SCRG1: variants seen among roughly 807,000 people sequenced by gnomAD.
The protein encoded by SCRG1 is stimulator of chondrogenesis 1.
A neutral mutation model predicts 7.7 loss-of-function variants in SCRG1; 3 were observed. The observed-to-expected ratio is 0.39, with a 90% CI of 0.18 to 1.01. SCRG1 has a LOEUF of 1.01. SCRG1 is among the 50% of genes least tolerant of loss of function. SCRG1 has a pLI of 0.36. For synonymous variants in SCRG1, 46 were observed against 41.2 expected (o/e 1.12, Z -0.44); for missense variants, 110 against 117.2 (o/e 0.94, Z 0.28).
At chr4:173,408,313 C>T (rs542337068), upstream of SCRG1, among the ~76,000 whole-genome samples, 53 of 152,258 alleles carry the variant, frequency 3.5e-4, 1 homozygote, top group African/African-American at 9.1e-4. Flanking sequence ...ACAATTTGAT[C>T]AAATTAATCT....
At chr4:173,513,049 A>G in the SCRG1 span, among the ~76,000 whole-genome samples, 1 of 152,240 alleles carries the variant, frequency 6.6e-6, no homozygotes, top group African/African-American at 2.4e-5. Context: ...TCTATGGACT[A>G]GAACATAGCA....
At chr4:173,434,764 G>C in the SCRG1 span, among the ~76,000 whole-genome samples, 5 of 152,192 alleles carry the variant, frequency 3.3e-5, no homozygotes, top group Admixed American at 6.5e-5. Flanking sequence ...CTGGGAGGCG[G>C]AGGTTGCAGT....
At chr4:173,442,857 T>C in the SCRG1 span, among the ~76,000 whole-genome samples, 1 of 152,110 alleles carries the variant, frequency 6.6e-6, no homozygotes, top group Non-Finnish European at 1.5e-5. Context: ...ACTCATGAGG[T>C]CAGGGTCCTC....
At chr4:173,495,226 T>A in the SCRG1 span, among the ~76,000 whole-genome samples, 1 of 152,366 alleles carries the variant, frequency 6.6e-6, no homozygotes, top group South Asian at 2.1e-4. Flanking sequence ...AATCAAGTTA[T>A]CATTATCCAT....
At chr4:173,391,869 G>A (rs1480460300) in intron 1 of SCRG1, among the ~76,000 whole-genome samples, 2 of 152,200 alleles carry the variant, frequency 1.3e-5, no homozygotes, top group Non-Finnish European at 2.9e-5. Context: ...CCATGATTGT[G>A]CCACTGCTCT....
At chr4:173,460,978 C>T in the SCRG1 span, among the ~76,000 whole-genome samples, 1 of 152,176 alleles carries the variant, frequency 6.6e-6, no homozygotes, top group Non-Finnish European at 1.5e-5. Context: ...GCAGGGGTGT[C>T]CTCTGCTTTT....
At chr4:173,397,718 C>A (rs180776603) in intron 1 of SCRG1, among the ~76,000 whole-genome samples, 1 of 152,152 alleles carries the variant, frequency 6.6e-6, no homozygotes, top group African/African-American at 2.4e-5. Flanking sequence ...AAAATTATCC[C>A]ATTTAATTGC....
At chr4:173,453,349 T>C in the SCRG1 span, among the ~76,000 whole-genome samples, 1 of 152,226 alleles carries the variant, frequency 6.6e-6, no homozygotes, top group Non-Finnish European at 1.5e-5. Context: ...TCCGGACAAC[T>C]GTCTCCAGCA....
At chr4:173,457,966 G>A in the SCRG1 span, among the ~76,000 whole-genome samples, 1 of 152,202 alleles carries the variant, frequency 6.6e-6, no homozygotes, top group African/African-American at 2.4e-5. Flanking sequence ...TCAACTACAG[G>A]AAGAACTGTG....
the SCRG1 span, among the ~76,000 whole-genome samples, chr4:173,432,377 C>A: frequency 2.1e-5 from 3 of 145,110 alleles, no homozygotes; most frequent in Non-Finnish European, 4.5e-5. Context: ...AGGGAGATTC[C>A]TCTTCCTCTT....
At chr4:173,419,999 G>A in the SCRG1 span, 4 of 687,432 alleles carry the variant, frequency 5.8e-6, no homozygotes, top group African/African-American at 3.5e-5. Context: ...CTGTATTTGG[G>A]TGTGTTGTAT....
chr4:173,426,228 C>G, the SCRG1 span, among the ~76,000 whole-genome samples: 1 of 152,242 alleles, frequency 6.6e-6, no homozygotes, highest in South Asian at 2.1e-4. Context: ...TGTACTACAT[C>G]TGTAGAAGTG....
the SCRG1 span, among the ~76,000 whole-genome samples, chr4:173,484,557 A>T: frequency 1.2e-5 from 1 of 81,220 alleles, no homozygotes; most frequent in East Asian, 3.6e-4. Context: ...TTTATATGTT[A>T]TATATTATGT....
At chr4:173,508,264 G>GA in the SCRG1 span, among the ~76,000 whole-genome samples, 1 of 152,196 alleles carries the variant, frequency 6.6e-6, no homozygotes, top group Non-Finnish European at 1.5e-5. This position sits in a 1 kb window ranked among gnomAD's most constrained non-coding sequence, Gnocchi z 4.4. Flanking sequence ...CTAATTTTAT[G>GA]AAACAACCTA....
At chr4:173,504,664 T>C in the SCRG1 span, among the ~76,000 whole-genome samples, 1 of 152,234 alleles carries the variant, frequency 6.6e-6, no homozygotes, top group East Asian at 1.9e-4. This position sits in a 1 kb window ranked among gnomAD's most constrained non-coding sequence, Gnocchi z 4.7. Context: ...AATTTTTGTC[T>C]TGAATTTCTT....
the SCRG1 span, among the ~76,000 whole-genome samples, chr4:173,470,630 A>T: frequency 2.6e-5 from 4 of 152,178 alleles, no homozygotes; most frequent in Non-Finnish European, 2.9e-5. Context: ...TAACCATATG[A>T]CCCTTTTAAT....
the SCRG1 span, among the ~76,000 whole-genome samples, chr4:173,451,639 TTTA>T: frequency 0.026 from 1,473 of 57,586 alleles, 21 homozygotes; most frequent in South Asian, 0.064. Context: ...ACTTATTTTA[TTTA>T]TTTATTTATT....
At chr4:173,476,490 C>G in the SCRG1 span, among the ~76,000 whole-genome samples, 16 of 151,446 alleles carry the variant, frequency 1.1e-4, no homozygotes, top group Non-Finnish European at 2.2e-4. Context: ...TAGAGACAAC[C>G]TACAGAACCA....
chr4:173,478,944 G>GA, the SCRG1 span, among the ~76,000 whole-genome samples: 1 of 152,156 alleles, frequency 6.6e-6, no homozygotes, highest in South Asian at 2.1e-4. Context: ...CTTAAAAAAG[G>GA]AAAGAGGTCA....
Sources: allele counts gnomAD v4.1 joint callset (sites outside exome capture counted in the v4.1 genomes callset), GRCh38; gene constraint gnomAD v4.1.1; non-coding constraint Gnocchi (gnomAD v3.1); transcripts MANE v1.5; gene names NCBI Gene and HGNC (gene_info 2026-07-23, HGNC 2026-07-21).